The following VSNL1 variants were observed in gnomAD, a reference collection of about 807,000 sequenced individuals.
VSNL1 encodes visinin-like protein 1.
VSNL1 carries 6 observed loss-of-function variants against 20.4 expected under a neutral mutation model. The observed-to-expected ratio is 0.29, with a 90% CI of 0.16 to 0.58. VSNL1 has a LOEUF of 0.58. VSNL1 is among the 20% of genes least tolerant of loss of function. VSNL1 has a pLI of 0.90. For missense variants in VSNL1, 100 were observed against 234.5 expected, an observed-to-expected ratio of 0.43 and a Z score of 3.75; for synonymous variants, 93 against 86.4, an observed-to-expected ratio of 1.08 and a Z score of -0.42.
chr2:17,594,348 A>C (rs1377301623), intron 2 of VSNL1, among the ~76,000 whole-genome samples: 5 of 152,194 alleles, frequency 3.3e-5, no homozygotes, highest in Non-Finnish European at 7.4e-5. Context: ...GAAAGCAGGC[A>C]GTCTTTTTCT....
At position 17,634,953 on chromosome 2, in the gene VSNL1, T is replaced by G. The variant is rs112039373; in HGVS notation, c.163-14457T>G. Among the ~76,000 whole-genome samples the G allele has an allele frequency of 4.6e-5, 7 of 152,180 alleles. No homozygotes were observed. Among genetic ancestry groups the G allele is most frequent in the African/African-American group, 1.7e-4 (7 of 41,518 alleles). On this transcript the variant is annotated intron_variant, in intron 2 of 3. Coordinates refer to ENST00000295156, the MANE Select transcript of VSNL1 (RefSeq NM_003385.5). The surrounding 1 kb of genome is among the most constrained non-coding windows in gnomAD (Gnocchi z 4.3). Reference sequence around the variant, plus strand: ...GACCCCTAGCTCGTTTGAACACACATACACACGTACACACACATACATGTG... The same window carrying G: ...GACCCCTAGCTCGTTTGAACACACAGACACACGTACACACACATACATGTG...
intron 1 of VSNL1, among the ~76,000 whole-genome samples, chr2:17,565,282 T>G (rs1663910521): frequency 6.6e-6 from 1 of 152,152 alleles, no homozygotes; most frequent in South Asian, 2.1e-4. Flanking sequence ...ACAGAAAAAT[T>G]CGGAGAATTA....
intron 1 of VSNL1, among the ~76,000 whole-genome samples, chr2:17,560,010 C>A (rs1221342567): frequency 6.6e-6 from 1 of 151,526 alleles, no homozygotes; most frequent in African/African-American, 2.4e-5. Flanking sequence ...AAAAAAGTAG[C>A]CTTTTCTTTT....
intron 1 of VSNL1, among the ~76,000 whole-genome samples, chr2:17,560,426 C>A (rs1663786820): frequency 6.6e-6 from 1 of 151,886 alleles, no homozygotes; most frequent in East Asian, 1.9e-4. Flanking sequence ...GACAAGTAGA[C>A]CAATGGAACA....
intron 2 of VSNL1, among the ~76,000 whole-genome samples, chr2:17,622,190 TA>T (rs1373634631): frequency 2.1e-5 from 3 of 142,656 alleles, no homozygotes; most frequent in African/African-American, 8.1e-5. Context: ...AACATGAACA[TA>T]AAAATCTTCA....
At position 17,612,041 on chromosome 2, in the gene VSNL1, A is replaced by C. The variant is rs1375745072; in HGVS notation, c.162+19805A>C. Among the ~76,000 whole-genome samples the C allele has an allele frequency of 2.0e-5, 3 of 151,282 alleles. No homozygotes were observed. The East Asian group carries it at 5.8e-4, about 29-fold the overall frequency. On this transcript the variant is annotated intron_variant, in intron 2 of 3. Coordinates refer to ENST00000295156, the MANE Select transcript of VSNL1 (RefSeq NM_003385.5). ...CATTTGTCAGGGAGAGGACTTTGAC[A>C]AACCATGTTCTTCATGCACTCTGTG...
intron 2 of VSNL1, among the ~76,000 whole-genome samples, chr2:17,595,691 C>CA (rs947206489): frequency 6.6e-6 from 1 of 151,338 alleles, no homozygotes; most frequent in African/African-American, 2.4e-5. Flanking sequence ...TAAATGAGGT[C>CA]ATGAGAGTGG....
chr2:17,603,217 AG>A (rs1486023649), intron 2 of VSNL1, among the ~76,000 whole-genome samples: 2 of 152,208 alleles, frequency 1.3e-5, no homozygotes, highest in African/African-American at 4.8e-5. Context: ...TAAACCAAGT[AG>A]TGATAAACAA....
intron 1 of VSNL1, among the ~76,000 whole-genome samples, chr2:17,570,389 C>G (rs150284392): frequency 8.8e-4 from 134 of 152,294 alleles, no homozygotes; most frequent in Admixed American, 2.6e-3. Context: ...AACTTATAAA[C>G]CACTTGACTT....
At chr2:17,614,153 C>T (rs1402278541) in intron 2 of VSNL1, among the ~76,000 whole-genome samples, 1 of 152,178 alleles carries the variant, frequency 6.6e-6, no homozygotes, top group Non-Finnish European at 1.5e-5. Flanking sequence ...TCAGTGTGGG[C>T]AAGGCCCTCT....
At chr2:17,605,338 C>T (rs982836403) in intron 2 of VSNL1, among the ~76,000 whole-genome samples, 25 of 152,152 alleles carry the variant, frequency 1.6e-4, no homozygotes, top group African/African-American at 6.0e-4. Context: ...TCCATGTGAA[C>T]CAGCCTTCCC....
chr2:17,612,502 T>C (rs1398080442), intron 2 of VSNL1, among the ~76,000 whole-genome samples: 1 of 152,206 alleles, frequency 6.6e-6, no homozygotes, highest in Non-Finnish European at 1.5e-5. Flanking sequence ...ACTAAATGGA[T>C]GATCCCAGCT....
chr2:17,590,590 G>A (rs1220748094), intron 1 of VSNL1, among the ~76,000 whole-genome samples: 3 of 152,162 alleles, frequency 2.0e-5, no homozygotes, highest in Non-Finnish European at 4.4e-5. Context: ...TTGTGCTGCC[G>A]AGATTGTGCT....
chr2:17,578,433 G>A (rs1217185674), intron 1 of VSNL1, among the ~76,000 whole-genome samples: 1 of 152,196 alleles, frequency 6.6e-6, no homozygotes, highest in Non-Finnish European at 1.5e-5. Flanking sequence ...TAGGTTAATG[G>A]GGAGACTCAA....
chr2:17,595,168 C>T (rs1664683850), intron 2 of VSNL1, among the ~76,000 whole-genome samples: 1 of 152,202 alleles, frequency 6.6e-6, no homozygotes, highest in African/African-American at 2.4e-5. Context: ...ACACAGTCAC[C>T]TCATTTCAAT....
At chr2:17,552,889 T>C (rs1370701843) in intron 1 of VSNL1, among the ~76,000 whole-genome samples, 1 of 152,192 alleles carries the variant, frequency 6.6e-6, no homozygotes, top group African/African-American at 2.4e-5. Context: ...GGCTTTAAAC[T>C]AAAGATAGGC....
chr2:17,594,765 G>T (rs1344296198), intron 2 of VSNL1, among the ~76,000 whole-genome samples: 1 of 152,190 alleles, frequency 6.6e-6, no homozygotes, highest in Non-Finnish European at 1.5e-5. Context: ...TAAAAAACAA[G>T]TTCTGATGAG....
At chr2:17,579,924 G>A (rs1022246302) in intron 1 of VSNL1, among the ~76,000 whole-genome samples, 1 of 152,200 alleles carries the variant, frequency 6.6e-6, no homozygotes, top group Non-Finnish European at 1.5e-5. Flanking sequence ...TGGAGGAGAA[G>A]CTCAGGAGAA....
chr2:17,586,683 T>G (rs1450983925), intron 1 of VSNL1, among the ~76,000 whole-genome samples: 1 of 152,216 alleles, frequency 6.6e-6, no homozygotes, highest in African/African-American at 2.4e-5. Context: ...TCTGCCAAAC[T>G]TAGTTGTGCA....
Sources: allele counts gnomAD v4.1 joint callset (sites outside exome capture counted in the v4.1 genomes callset), GRCh38; gene constraint gnomAD v4.1.1; non-coding constraint Gnocchi (gnomAD v3.1); transcripts MANE v1.5; gene names NCBI Gene and HGNC (gene_info 2026-07-23, HGNC 2026-07-21).